The following KCNIP3 variants were observed in gnomAD, a reference collection of about 807,000 sequenced individuals.
KCNIP3 encodes the protein calsenilin.
A neutral mutation model predicts 35.0 loss-of-function variants in KCNIP3; 28 were observed. The ratio of observed to expected loss-of-function variants is 0.80; its 90% CI spans 0.59 to 1.10. The LOEUF is 1.10. Ranked by LOEUF, KCNIP3 falls within the 50% of genes least tolerant of loss-of-function variation. The probability of loss-of-function intolerance (pLI) is 0.00; values close to 1 mark genes in which losing one functional copy is unlikely to be tolerated. For synonymous variants in KCNIP3, 134 were observed against 133.8 expected (o/e 1.00, Z -0.01); for missense variants, 295 against 338.4 (o/e 0.87, Z 1.01).
chr2:95,364,256 A>C (rs2104288991), intron 2 of KCNIP3, among the ~76,000 whole-genome samples: 1 of 152,318 alleles, frequency 6.6e-6, no homozygotes, highest in South Asian at 2.1e-4. Context: ...AATAGACATG[A>C]AAGCTTATCA....
intron 2 of KCNIP3, among the ~76,000 whole-genome samples, chr2:95,338,968 C>T (rs1306862463): frequency 6.6e-6 from 1 of 152,192 alleles, no homozygotes. Context: ...CTTGTCTAAG[C>T]CCCACCCAAA....
intron 5 of KCNIP3, among the ~76,000 whole-genome samples, chr2:95,379,173 G>A (rs985626837): frequency 3.3e-5 from 5 of 152,148 alleles, no homozygotes; most frequent in African/African-American, 1.2e-4. Flanking sequence ...GATCGCTTGA[G>A]CCCAGGAGTT....
chr2:95,324,902 C>G (rs189789836), intron 2 of KCNIP3, among the ~76,000 whole-genome samples: 2 of 152,296 alleles, frequency 1.3e-5, no homozygotes, highest in East Asian at 3.9e-4. Flanking sequence ...CAGAGTGAGA[C>G]TCTGTCTCAA....
intron 2 of KCNIP3, among the ~76,000 whole-genome samples, chr2:95,353,828 A>C (rs1011486999): frequency 2.0e-5 from 3 of 152,160 alleles, no homozygotes; most frequent in African/African-American, 7.2e-5. Context: ...ACGGCTCTCA[A>C]CCAAGGGCAG....
At chr2:95,310,263 G>A in intron 1 of KCNIP3, 92 bp from the exon 2 acceptor site, 1 of 1,457,820 alleles carries the variant, frequency 6.9e-7, no homozygotes, top group Non-Finnish European at 9.6e-7. Context: ...GTTCAGGCTG[G>A]CCTCATCTAG....
intron 2 of KCNIP3, chr2:95,347,272 G>A: frequency 1.5e-6 from 1 of 660,900 alleles, no homozygotes; most frequent in South Asian, 1.9e-5. Context: ...TTGGGCCTGG[G>A]ACTAAGGAGA....
At chr2:95,309,107 A>G (rs1265250084) in intron 1 of KCNIP3, among the ~76,000 whole-genome samples, 1 of 152,164 alleles carries the variant, frequency 6.6e-6, no homozygotes, top group East Asian at 1.9e-4. Context: ...AATGAGGGCC[A>G]TTGGTGGGCT....
intron 2 of KCNIP3, among the ~76,000 whole-genome samples, chr2:95,317,696 G>C (rs780195913): frequency 7.2e-5 from 11 of 152,176 alleles, no homozygotes; most frequent in South Asian, 2.1e-4. Flanking sequence ...CAGGAGTGGG[G>C]AGTCCTAGAA....
chr2:95,349,364 G>A lies in KCNIP3; in HGVS notation c.182-24932G>A, dbSNP rs148930334. Among the ~76,000 whole-genome samples the A allele has an allele frequency of 3.3e-3, 497 of 152,290 alleles. 2 individuals are homozygous for A. The highest frequency in any genetic ancestry group is 7.3e-3 in the South Asian group (35 of 4,826). On this transcript the variant is annotated intron_variant, in intron 2 of 8. Coordinates refer to ENST00000295225, the MANE Select transcript of KCNIP3 (RefSeq NM_013434.5). The stretch of plus-strand genomic sequence containing the variant: ...GGTCTCTTGTCCTCTCTGAGCCTCC[G>A]TGGTTCTCATCTGTAATAGACCAGA...
At chr2:95,350,731 T>C (rs1679494921) in intron 2 of KCNIP3, among the ~76,000 whole-genome samples, 1 of 152,130 alleles carries the variant, frequency 6.6e-6, no homozygotes, top group African/African-American at 2.4e-5. Context: ...GTGGGCTCTT[T>C]ACCCAGCTGT....
intron 2 of KCNIP3, among the ~76,000 whole-genome samples, chr2:95,360,828 G>A (rs1321713512): frequency 4.6e-5 from 7 of 152,238 alleles, no homozygotes; most frequent in African/African-American, 1.7e-4. Flanking sequence ...TAGTCCATTC[G>A]TGAGGGTGGG....
intron 2 of KCNIP3, among the ~76,000 whole-genome samples, chr2:95,350,902 G>A (rs1269124027): frequency 6.6e-6 from 1 of 152,224 alleles, no homozygotes; most frequent in African/African-American, 2.4e-5. Context: ...CTTTCTCTGG[G>A]TGACTTCATG....
In KCNIP3 at chr2:95,384,099, C is replaced by T. The variant is rs578033490; in HGVS notation, c.*50C>T. ...CACAGCCACCTCCACCCCCAAGAAA[C>T]CTCCATCCTGCCAGGAGCAGCCTCC... On this transcript the variant is annotated 3_prime_UTR_variant, in exon 9 of 9. Transcript: ENST00000295225. 2 of 1,565,662 alleles carry T rather than the reference C, an allele frequency of 1.3e-6. No individual in the cohort carries two copies. The highest frequency in any genetic ancestry group is 1.7e-5 in the Admixed American group (1 of 59,618).
At chr2:95,383,872 C>T (rs1454996072) in intron 8 of KCNIP3, 130 bp from the exon 9 acceptor site, 65 of 804,816 alleles carry the variant, frequency 8.1e-5, no homozygotes, top group Non-Finnish European at 1.3e-5. Flanking sequence ...TCCCCCAGCT[C>T]CCTGCACCCA....
intron 2 of KCNIP3, among the ~76,000 whole-genome samples, chr2:95,334,255 C>T (rs1044562892): frequency 2.6e-5 from 4 of 152,106 alleles, no homozygotes; most frequent in African/African-American, 9.7e-5. Context: ...CCTAGACTGG[C>T]GGGGGGGTTA....
In KCNIP3 at chr2:95,346,661, G is replaced by A. The variant is rs1054766879; in HGVS notation, c.182-27635G>A. On this transcript the variant is annotated intron_variant, in intron 2 of 8. Coordinates refer to ENST00000295225, the MANE Select transcript of KCNIP3 (RefSeq NM_013434.5). Reference sequence around the variant, plus strand: ...GCGGGGCTGGAGAGGGGGCGACAGAGGCGCAGCGCCCGCGCCGGGCATGGA... The same window carrying A: ...GCGGGGCTGGAGAGGGGGCGACAGAAGCGCAGCGCCCGCGCCGGGCATGGA... The A allele has an allele frequency of 2.1e-5, 3 of 146,334 alleles. No homozygotes were observed. The East Asian group carries it at 6.1e-4, about 30-fold the overall frequency. The allele number at this position is 146,334 out of a possible 1,614,324, so 9.1% of individuals were successfully genotyped here.
chr2:95,317,721 A>G (rs1351665445), intron 2 of KCNIP3, among the ~76,000 whole-genome samples: 1 of 152,124 alleles, frequency 6.6e-6, no homozygotes, highest in Non-Finnish European at 1.5e-5. Context: ...AAAGGTGTTG[A>G]GTGTCAGGCT....
intron 2 of KCNIP3, among the ~76,000 whole-genome samples, chr2:95,334,678 A>C (rs1171163458): frequency 6.6e-6 from 1 of 152,224 alleles, no homozygotes; most frequent in African/African-American, 2.4e-5. Context: ...GGGTAGGGGC[A>C]TGAAAAGACA....
chr2:95,307,520 G>T (rs1469528815), intron 1 of KCNIP3, among the ~76,000 whole-genome samples: 1 of 152,226 alleles, frequency 6.6e-6, no homozygotes, highest in Non-Finnish European at 1.5e-5. Flanking sequence ...GGGGGTTGTC[G>T]TGACGAGATT....
Sources: allele counts gnomAD v4.1 joint callset (sites outside exome capture counted in the v4.1 genomes callset), GRCh38; gene constraint gnomAD v4.1.1; transcripts MANE v1.5; gene names NCBI Gene and HGNC (gene_info 2026-07-23, HGNC 2026-07-21).